IL12RB2: variants seen among roughly 807,000 people sequenced by gnomAD.
IL12RB2 encodes interleukin 12 receptor subunit beta 2.
A neutral mutation model predicts 89.4 loss-of-function variants in IL12RB2; 82 were observed. The observed-to-expected ratio is 0.92, with a 90% CI of 0.77 to 1.10. The LOEUF is 1.10. IL12RB2 is among the 50% of genes least tolerant of loss of function. The pLI is 0.00. For synonymous variants in IL12RB2, 368 were observed against 370.1 expected, an observed-to-expected ratio of 0.99 and a Z score of 0.07; for missense variants, 963 against 1,031.9, an observed-to-expected ratio of 0.93 and a Z score of 0.92.
At chr1:67,368,457 A>G (rs1196540846) in intron 11 of IL12RB2, among the ~76,000 whole-genome samples, 1 of 152,222 alleles carries the variant, frequency 6.6e-6, no homozygotes, top group African/African-American at 2.4e-5. Flanking sequence ...TGGCCATTAT[A>G]TAAATGAGGA....
intron 5 of IL12RB2, 138 bp from the exon 6 acceptor site, chr1:67,328,062 G>A: frequency 1.4e-6 from 1 of 715,118 alleles, no homozygotes; most frequent in Non-Finnish European, 2.5e-6. Context: ...ATATTCCCGG[G>A]GTGTATCCCC....
At chr1:67,338,409 T>A (rs572256327) in intron 8 of IL12RB2, among the ~76,000 whole-genome samples, 11 of 150,668 alleles carry the variant, frequency 7.3e-5, no homozygotes, top group African/African-American at 1.2e-4. Context: ...CATTTTTTTT[T>A]AAATTTGTTT....
intron 10 of IL12RB2, among the ~76,000 whole-genome samples, chr1:67,357,121 C>T (rs17129865): frequency 2.8e-4 from 42 of 152,244 alleles, no homozygotes; most frequent in Middle Eastern, 3.4e-3. Context: ...CTTTGGGAGG[C>T]TGAGACAGGT....
intron 10 of IL12RB2, among the ~76,000 whole-genome samples, chr1:67,351,982 A>G (rs1363079338): frequency 5.9e-5 from 9 of 152,236 alleles, no homozygotes; most frequent in Admixed American, 5.9e-4. Flanking sequence ...AAAATTCAGT[A>G]TAATAATTTT....
At chr1:67,366,103 G>C (rs977768440) in intron 10 of IL12RB2, among the ~76,000 whole-genome samples, 1 of 152,166 alleles carries the variant, frequency 6.6e-6, no homozygotes, top group Non-Finnish European at 1.5e-5. Context: ...GCAGTTCATG[G>C]AAGGGGAAAG....
intron 15 of IL12RB2, among the ~76,000 whole-genome samples, chr1:67,388,503 G>A (rs185838174): frequency 1.3e-3 from 204 of 152,098 alleles, no homozygotes; most frequent in Non-Finnish European, 2.0e-3. Context: ...CCGCCACCAC[G>A]CCCAGCTACT....
intron 13 of IL12RB2, among the ~76,000 whole-genome samples, chr1:67,376,850 T>A (rs925044451): frequency 6.6e-5 from 10 of 152,310 alleles, no homozygotes; most frequent in Admixed American, 2.0e-4. Flanking sequence ...TGACACTTGC[T>A]GATGTTCTGC....
rs546275348 is a variant in IL12RB2 at position 67,379,839 on chromosome 1, G to A, written c.1718-147G>A. On this transcript the variant is annotated intron_variant, in intron 13 of 16. Coordinates refer to ENST00000674203, the MANE Select transcript of IL12RB2 (RefSeq NM_001374259.2). Reference sequence around the variant, plus strand: ...TGTCTAGGGCCTATTAAGGTATTAAGTACTGAGGAATTTGGACTATTTTAA... The same window carrying A: ...TGTCTAGGGCCTATTAAGGTATTAAATACTGAGGAATTTGGACTATTTTAA... 2.8e-5 allele frequency: 19 copies of A among 678,554 alleles called. No homozygotes were observed. In the South Asian group the frequency reaches 2.9e-4, roughly 10 times the overall value. 42.0% of individuals were successfully genotyped at this position (678,554 alleles called of 1,614,324 possible).
At chr1:67,339,494 A>G (rs1659282031) in intron 9 of IL12RB2, among the ~76,000 whole-genome samples, 1 of 151,706 alleles carries the variant, frequency 6.6e-6, no homozygotes. Flanking sequence ...TTCAAAAAAA[A>G]AAAAAAAAGA....
At chr1:67,320,938 C>G (rs577635033) in intron 3 of IL12RB2, among the ~76,000 whole-genome samples, 2 of 150,384 alleles carry the variant, frequency 1.3e-5, no homozygotes, top group Non-Finnish European at 3.0e-5. Context: ...CCCCCACCCC[C>G]GTGTCCATGT....
At chr1:67,323,336 T>A (rs1269685728) in intron 4 of IL12RB2, among the ~76,000 whole-genome samples, 1 of 152,250 alleles carries the variant, frequency 6.6e-6, no homozygotes, top group East Asian at 1.9e-4. Context: ...CAGCCTGCGG[T>A]ATAGTAGAAG....
At chr1:67,340,348 C>A (rs1253085380) in intron 9 of IL12RB2, among the ~76,000 whole-genome samples, 2 of 152,172 alleles carry the variant, frequency 1.3e-5, no homozygotes, top group Admixed American at 1.3e-4. Context: ...ATAGAAGAAC[C>A]CAGCCTAATT....
At chr1:67,376,750 A>C (rs1210992309) in intron 13 of IL12RB2, among the ~76,000 whole-genome samples, 1 of 151,936 alleles carries the variant, frequency 6.6e-6, no homozygotes, top group Non-Finnish European at 1.5e-5. Context: ...TTGGCCCAGC[A>C]ACCCACACAA....
At chr1:67,310,249 C>G (rs1159828327) in intron 1 of IL12RB2, among the ~76,000 whole-genome samples, 1 of 150,170 alleles carries the variant, frequency 6.7e-6, no homozygotes, top group African/African-American at 2.5e-5. Context: ...TTCCTTTGCC[C>G]TTGGAAGTTT....
intron 10 of IL12RB2, among the ~76,000 whole-genome samples, chr1:67,354,214 T>C (rs913209741): frequency 6.6e-6 from 1 of 152,120 alleles, no homozygotes; most frequent in Non-Finnish European, 1.5e-5. Flanking sequence ...GTGGCATGCG[T>C]ACCAAGTATA....
At position 67,326,830 on chromosome 1, in the gene IL12RB2, T is replaced by C. The variant is rs747390356; in HGVS notation, c.460T>C (p.Tyr154His). 2 of 1,613,410 alleles carry C rather than the reference T, an allele frequency of 1.2e-6. No individual in the cohort carries two copies. The highest frequency in any genetic ancestry group is 1.7e-4 in the Middle Eastern group (1 of 6,060). The part of the protein sequence containing the change: ...TWERGRDTHL[Y>H]TEYTLQLSGP... ...GGAAAGAGGACGAGACACCCACTTA[T>C]ACACTGAGTATACTCTACAGTGAGT... The change falls in exon 5 of 17, where the codon TAC (tyrosine) becomes CAC (histidine). Residue 154 changes from tyrosine to histidine, a missense_variant. Coordinates refer to ENST00000674203, the MANE Select transcript of IL12RB2 (RefSeq NM_001374259.2).
intron 15 of IL12RB2, among the ~76,000 whole-genome samples, chr1:67,387,289 C>T (rs1451863353): frequency 6.6e-6 from 1 of 151,836 alleles, no homozygotes; most frequent in Non-Finnish European, 1.5e-5. Flanking sequence ...TAATAATTTT[C>T]AGAAAAGAAA....
chr1:67,392,480 A>T (rs1188885910), intron 16 of IL12RB2, among the ~76,000 whole-genome samples: 1 of 152,188 alleles, frequency 6.6e-6, no homozygotes, highest in Non-Finnish European at 1.5e-5. Flanking sequence ...ACACTCATAC[A>T]TCTGCAGCAT....
chr1:67,363,154 G>A (rs1014316724), intron 10 of IL12RB2, among the ~76,000 whole-genome samples: 5 of 151,656 alleles, frequency 3.3e-5, no homozygotes, highest in Admixed American at 6.6e-5. Flanking sequence ...GCCTGCCTCG[G>A]ACTCCCAAAG....
Sources: gnomAD v4.1 joint callset for allele counts (sites outside exome capture counted in the v4.1 genomes callset) on GRCh38, gnomAD v4.1.1 for gene constraint, MANE v1.5 for transcripts, NCBI Gene and HGNC (gene_info 2026-07-23, HGNC 2026-07-21) for gene names.